The following SPATA6L variants were observed in gnomAD, a reference collection of about 807,000 sequenced individuals.
The protein encoded by SPATA6L is spermatogenesis associated 6-like protein.
Under a neutral mutation model 49.2 loss-of-function variants are expected in SPATA6L, and 68 were observed. The ratio of observed to expected loss-of-function variants is 1.38; its 90% confidence interval spans 1.14 to 1.69. The LOEUF (loss-of-function observed/expected upper bound fraction) is 1.69. Ranked by LOEUF, SPATA6L falls within the 40% of genes most tolerant of loss-of-function variation. The probability of loss-of-function intolerance (pLI) is 0.00; values close to 1 mark genes in which losing one functional copy is unlikely to be tolerated. For missense variants in SPATA6L, 668 were observed against 464.3 expected, an observed-to-expected ratio of 1.44 and a Z score of -4.03; for synonymous variants, 198 against 165.7, an observed-to-expected ratio of 1.19 and a Z score of -1.50.
intron 3 of SPATA6L, among the ~76,000 whole-genome samples, chr9:4,652,288 G>A (rs1371891351): frequency 1.3e-5 from 2 of 152,056 alleles, no homozygotes; most frequent in African/African-American, 4.8e-5. Context: ...CGGGTGTGGT[G>A]GTGCATGCCT....
chr9:4,613,370 C>A (rs546432775), intron 9 of SPATA6L, among the ~76,000 whole-genome samples: 1 of 152,240 alleles, frequency 6.6e-6, no homozygotes, highest in African/African-American at 2.4e-5. Context: ...AGTTGCCCCT[C>A]TGCTTGGCTG....
chr9:4,603,053 T>A (rs1408923793), intron 11 of SPATA6L, among the ~76,000 whole-genome samples: 1 of 152,372 alleles, frequency 6.6e-6, no homozygotes, highest in South Asian at 2.1e-4. Context: ...ACAATGTGGC[T>A]AACTACTTGC....
chr9:4,595,210 A>T (rs1012331457), downstream of SPATA6L, among the ~76,000 whole-genome samples: 4 of 152,134 alleles, frequency 2.6e-5, no homozygotes, highest in East Asian at 5.8e-4. Context: ...GGACTTAACC[A>T]CTTCTTCCTT....
At chr9:4,619,043 A>T in intron 7 of SPATA6L, 145 bp from the exon 8 acceptor site, 1 of 692,140 alleles carries the variant, frequency 1.4e-6, no homozygotes, top group Non-Finnish European at 2.5e-6. Flanking sequence ...TGTAAGTTAC[A>T]CTATCACTTT....
intron 5 of SPATA6L, chr9:4,626,462 C>T (rs1587182171): frequency 1.5e-6 from 2 of 1,304,330 alleles, no homozygotes; most frequent in East Asian, 1.1e-4. Context: ...GAAAGCAGCC[C>T]TTCTCCAGAG....
chr9:4,643,975 C>G (rs1339039970), intron 3 of SPATA6L, among the ~76,000 whole-genome samples: 1 of 151,670 alleles, frequency 6.6e-6, no homozygotes, highest in African/African-American at 2.4e-5. Flanking sequence ...TCACTGCACT[C>G]CAGCCTGGGC....
chr9:4,638,623 C>T (rs977774201), intron 3 of SPATA6L, among the ~76,000 whole-genome samples: 1 of 151,902 alleles, frequency 6.6e-6, no homozygotes, highest in Non-Finnish European at 1.5e-5. Flanking sequence ...AATCCTCCCA[C>T]CCTTGTTGGC....
chr9:4,608,869 A>G (rs1289490589), intron 9 of SPATA6L, among the ~76,000 whole-genome samples: 5 of 152,162 alleles, frequency 3.3e-5, no homozygotes. Context: ...TGGTTTTTTG[A>G]AAGGATCAAC....
chr9:4,633,449 A>G (rs886707380), intron 4 of SPATA6L: 1 of 155,026 alleles, frequency 6.5e-6, no homozygotes, highest in African/African-American at 2.4e-5. Context: ...GACCTAGCAG[A>G]ATCTGCACTT....
intron 4 of SPATA6L, among the ~76,000 whole-genome samples, chr9:4,630,481 C>T (rs1831293292): frequency 6.6e-6 from 1 of 152,174 alleles, no homozygotes; most frequent in South Asian, 2.1e-4. Flanking sequence ...CCTCTCTGCT[C>T]TACTCTCCCC....
chr9:4,614,527 C>T (rs761004959), intron 9 of SPATA6L, among the ~76,000 whole-genome samples: 1 of 152,168 alleles, frequency 6.6e-6, no homozygotes. Context: ...CCCTAGTGAT[C>T]GCTCTAAAGC....
At chr9:4,613,733 G>A (rs1429483832) in intron 9 of SPATA6L, among the ~76,000 whole-genome samples, 1 of 152,024 alleles carries the variant, frequency 6.6e-6, no homozygotes, top group Non-Finnish European at 1.5e-5. Flanking sequence ...ACAGGTATAA[G>A]CCACCAAGCC....
chr9:4,646,422 G>T, intron 3 of SPATA6L: 1 of 1,215,422 alleles, frequency 8.2e-7, no homozygotes, highest in Non-Finnish European at 1.1e-6. Context: ...TCCCCATTTT[G>T]ACAGGCCAAA....
chr9:4,655,841 G>A (rs7869246), intron 3 of SPATA6L, among the ~76,000 whole-genome samples, 200 bp downstream of exon 3: 7,481 of 152,148 alleles, frequency 0.049, 396 homozygotes, highest in African/African-American at 0.12. Context: ...GTGAGCCACC[G>A]TGCCCAGCCA....
At chr9:4,641,674 T>A (rs1164510523) in intron 3 of SPATA6L, among the ~76,000 whole-genome samples, 1 of 152,202 alleles carries the variant, frequency 6.6e-6, no homozygotes, top group Admixed American at 6.5e-5. Context: ...GGTCCAACTA[T>A]ATATAGGGTA....
chr9:4,662,580 G>A lies in SPATA6L; in HGVS notation c.40-544C>T, dbSNP rs190018180. ...ATCGGAGAGCCCAGTTCACCGCCGCGGCTCCTTCCCCCTGGCCGCGGCGGG... is the reference window on the plus strand; with the variant it reads ...ATCGGAGAGCCCAGTTCACCGCCGCAGCTCCTTCCCCCTGGCCGCGGCGGG... On this transcript the variant is annotated intron_variant, in intron 1 of 11. Coordinates refer to ENST00000682582, the MANE Select transcript of SPATA6L (RefSeq NM_001353486.2). The surrounding 1 kb of genome is among the most constrained non-coding windows in gnomAD (Gnocchi z 4.9). 634 of 1,590,162 alleles carry A rather than the reference G, an allele frequency of 4.0e-4. 8 individuals carry two copies. The East Asian group carries it at 0.012, about 30-fold the overall frequency.
intron 3 of SPATA6L, chr9:4,646,640 T>C (rs974130902): frequency 4.3e-6 from 2 of 470,222 alleles, no homozygotes; most frequent in South Asian, 6.4e-5. Context: ...ATAATAAAAA[T>C]AATAATTAAA....
chr9:4,636,211 C>G (rs28682431), intron 3 of SPATA6L, among the ~76,000 whole-genome samples: 3,036 of 152,006 alleles, frequency 0.02, 114 homozygotes, highest in African/African-American at 0.069. Flanking sequence ...TTTAACCAGA[C>G]CTGTTTGATA....
In SPATA6L at chr9:4,600,399, G is replaced by A. The variant is rs1586915655; in HGVS notation, c.*412C>T. 4 of 152,358 alleles carry A rather than the reference G, an allele frequency of 2.6e-5. No individual in the cohort carries two copies. The highest frequency in any genetic ancestry group is 2.6e-4 in the Admixed American group (4 of 15,260). 9.4% of individuals were successfully genotyped at this position (152,358 alleles called of 1,614,324 possible). ...GAAAGTCAGGTTGATAGTCTTTCCT[G>A]GAGGATTTATCAGGTTATTCCTGTG... On this transcript the variant is annotated 3_prime_UTR_variant, in exon 12 of 12. Coordinates refer to ENST00000682582, the MANE Select transcript of SPATA6L (RefSeq NM_001353486.2).
Sources: allele counts gnomAD v4.1 joint callset (sites outside exome capture counted in the v4.1 genomes callset), GRCh38; gene constraint gnomAD v4.1.1; non-coding constraint Gnocchi (gnomAD v3.1); transcripts MANE v1.5; gene names NCBI Gene and HGNC (gene_info 2026-07-23, HGNC 2026-07-21).